Variants in TMEM135 observed in about 807,000 individuals in gnomAD.
TMEM135 encodes peroxisomal membrane protein 52.
TMEM135 carries 30 observed loss-of-function variants against 60.3 expected under a neutral mutation model. The observed-to-expected ratio is 0.50, with a 90% confidence interval of 0.37 to 0.68. The LOEUF (loss-of-function observed/expected upper bound fraction) is 0.68. Ranked by LOEUF, TMEM135 falls within the 30% of genes least tolerant of loss-of-function variation. TMEM135 has a pLI of 0.00. For synonymous variants in TMEM135, 190 were observed against 186.7 expected (o/e 1.02, Z -0.14); for missense variants, 468 against 548.8 (o/e 0.85, Z 1.47).
chr11:87,053,832 C>A (rs115167964), intron 1 of TMEM135, among the ~76,000 whole-genome samples: 1 of 151,984 alleles, frequency 6.6e-6, no homozygotes, highest in Non-Finnish European at 1.5e-5. Context: ...TTTTAAATTG[C>A]CTTTTAATTA....
intron 4 of TMEM135, among the ~76,000 whole-genome samples, chr11:87,146,521 T>TA (rs1938422458): frequency 6.6e-6 from 1 of 152,176 alleles, no homozygotes; most frequent in Non-Finnish European, 1.5e-5. Flanking sequence ...GGAGGCTACT[T>TA]CCGTGTGTGA....
chr11:87,147,749 A>C (rs1231794077), intron 4 of TMEM135, among the ~76,000 whole-genome samples: 2 of 152,114 alleles, frequency 1.3e-5, no homozygotes, highest in Non-Finnish European at 2.9e-5. Context: ...TCTTAAAAAC[A>C]GTCTCTTGTT....
At chr11:87,308,088 C>A (rs1380155175) in intron 9 of TMEM135, among the ~76,000 whole-genome samples, 1 of 152,098 alleles carries the variant, frequency 6.6e-6, no homozygotes, top group Non-Finnish European at 1.5e-5. Flanking sequence ...TTATTATAAT[C>A]TTTTGTATTT....
At chr11:87,260,626 G>C (rs1941631985) in intron 6 of TMEM135, among the ~76,000 whole-genome samples, 1 of 151,988 alleles carries the variant, frequency 6.6e-6, no homozygotes, top group Non-Finnish European at 1.5e-5. Flanking sequence ...TAGACTGATG[G>C]AGCTTTTACC....
intron 5 of TMEM135, among the ~76,000 whole-genome samples, chr11:87,182,184 G>A (rs1939533847): frequency 6.6e-6 from 1 of 151,846 alleles, no homozygotes; most frequent in Admixed American, 6.6e-5. Flanking sequence ...TGAAATGTAC[G>A]TTTTTTAGTT....
intron 6 of TMEM135, among the ~76,000 whole-genome samples, chr11:87,247,936 C>T (rs577354003): frequency 7.9e-5 from 12 of 151,820 alleles, no homozygotes; most frequent in Non-Finnish European, 1.2e-4. Flanking sequence ...AGAAATCACC[C>T]GTCTTCTGCG....
chr11:87,121,824 G>T (rs1937602343), intron 4 of TMEM135, among the ~76,000 whole-genome samples: 1 of 151,960 alleles, frequency 6.6e-6, no homozygotes, highest in Non-Finnish European at 1.5e-5. Context: ...ATTTTTAGTA[G>T]AGACGGGGAT....
chr11:87,218,945 G>A (rs566881614), intron 5 of TMEM135, among the ~76,000 whole-genome samples: 1 of 152,292 alleles, frequency 6.6e-6, no homozygotes, highest in Non-Finnish European at 1.5e-5. Flanking sequence ...CTGGGTGACA[G>A]AGTGAGACTC....
intron 9 of TMEM135, 35 bp downstream of exon 9, chr11:87,306,040 AG>A: frequency 8.0e-7 from 1 of 1,253,944 alleles, no homozygotes; most frequent in South Asian, 1.5e-5. Context: ...TATTAACAGT[AG>A]GGAATGGGTA....
chr11:87,264,082 C>G (rs1337984186), intron 6 of TMEM135, among the ~76,000 whole-genome samples: 1 of 151,840 alleles, frequency 6.6e-6, no homozygotes, highest in Non-Finnish European at 1.5e-5. Flanking sequence ...AAATATCATA[C>G]CATGTCATGG....
chr11:87,292,832 A>G (rs1942290111), intron 6 of TMEM135, among the ~76,000 whole-genome samples: 2 of 152,232 alleles, frequency 1.3e-5, no homozygotes, highest in South Asian at 2.1e-4. Context: ...CTGAACTTCC[A>G]TCATAATGAA....
chr11:87,309,765 G>T lies in TMEM135; in HGVS notation c.936+93G>T, dbSNP rs1187675489. The T allele has an allele frequency of 3.7e-6, 5 of 1,342,872 alleles. No homozygotes were observed. The East Asian group carries it at 1.2e-4, about 31-fold the overall frequency. 83.2% of individuals were successfully genotyped at this position (1,342,872 alleles called of 1,614,324 possible). On this transcript the variant is annotated intron_variant, in intron 10 of 14. Coordinates refer to ENST00000305494, the MANE Select transcript of TMEM135 (RefSeq NM_022918.4). ...GGCCTTAGTTCACTTATTTTTTAAT[G>T]CTTCTTTCTGGAATATTCATACATA...
intron 1 of TMEM135, among the ~76,000 whole-genome samples, chr11:87,054,232 C>T (rs960684702): frequency 4.6e-5 from 7 of 151,822 alleles, no homozygotes; most frequent in Non-Finnish European, 7.4e-5. Context: ...GTCAGGAGTT[C>T]GAGACCAGCC....
intron 4 of TMEM135, among the ~76,000 whole-genome samples, chr11:87,143,312 A>G (rs144863024): frequency 1.0e-3 from 151 of 150,938 alleles, no homozygotes; most frequent in Admixed American, 2.7e-3. Flanking sequence ...TTGAAATGCA[A>G]TACCTGGACC....
chr11:87,294,129 T>C (rs1431094320), intron 6 of TMEM135, among the ~76,000 whole-genome samples: 1 of 152,244 alleles, frequency 6.6e-6, no homozygotes, highest in Admixed American at 6.5e-5. Context: ...TGAGCTTTTT[T>C]CATTTGTTTG....
intron 4 of TMEM135, among the ~76,000 whole-genome samples, chr11:87,128,546 GA>G (rs1937804300): frequency 6.6e-6 from 1 of 152,030 alleles, no homozygotes; most frequent in Admixed American, 6.6e-5. Context: ...AATATTTGTT[GA>G]ACAAATAATT....
At chr11:87,284,230 C>G (rs536840642) in intron 6 of TMEM135, among the ~76,000 whole-genome samples, 1 of 152,308 alleles carries the variant, frequency 6.6e-6, no homozygotes, top group East Asian at 1.9e-4. Flanking sequence ...CAATCTGCTC[C>G]TTTTACAACT....
Position 87,323,645 on chromosome 11 carries a change from T to A in TMEM135, c.*2312T>A. On this transcript the variant is annotated 3_prime_UTR_variant, in exon 15 of 15. Coordinates refer to ENST00000305494, the MANE Select transcript of TMEM135 (RefSeq NM_022918.4). ...TCTGACATTTTTATATAGATTGAGA[T>A]TGAAAAACCGTGCATTTGGGGCAGT... 1 of 453,834 alleles carries A rather than the reference T, an allele frequency of 2.2e-6. No homozygotes were observed. Among genetic ancestry groups the A allele is most frequent in the South Asian group, 1.6e-5 (1 of 64,372 alleles). The allele number at this position is 453,834 out of a possible 1,614,324, so 28.1% of individuals were successfully genotyped here.
At chr11:87,305,411 G>GA (rs1217383255) in intron 8 of TMEM135, among the ~76,000 whole-genome samples, 1 of 152,050 alleles carries the variant, frequency 6.6e-6, no homozygotes, top group African/African-American at 2.4e-5. Context: ...GCAGCAAGTA[G>GA]AAAAAGCAAA....
Sources: allele counts gnomAD v4.1 joint callset (sites outside exome capture counted in the v4.1 genomes callset), GRCh38; gene constraint gnomAD v4.1.1; transcripts MANE v1.5; gene names NCBI Gene and HGNC (gene_info 2026-07-23, HGNC 2026-07-21).